CPQ: variants seen among roughly 807,000 people sequenced by gnomAD.
CPQ encodes Ser-Met dipeptidase.
A neutral mutation model predicts 45.7 loss-of-function variants in CPQ; 37 were observed. The observed-to-expected ratio is 0.81, with a 90% CI of 0.62 to 1.07. CPQ has a LOEUF of 1.07. Ranked by LOEUF, CPQ falls within the 50% of genes least tolerant of loss-of-function variation. CPQ has a pLI of 0.00. For synonymous variants in CPQ, 186 were observed against 205.8 expected, an observed-to-expected ratio of 0.90 and a Z score of 0.82; for missense variants, 537 against 572.9, an observed-to-expected ratio of 0.94 and a Z score of 0.64.
chr8:96,787,265 C>A (rs1295741247), intron 2 of CPQ, among the ~76,000 whole-genome samples: 1 of 152,024 alleles, frequency 6.6e-6, no homozygotes, highest in Non-Finnish European at 1.5e-5. Flanking sequence ...AAGGCTTCAG[C>A]TTTCTTCTTT....
rs1318265873 is a variant in CPQ, at chr8:97,023,015, A to ACAG, written c.962-6388_962-6387insCAG. ...TATATACAGTATATATATACTATAT[A>ACAG]TAGTATATATATACAGTATATATAC... On this transcript the variant is annotated intron_variant, in intron 5 of 7. Coordinates refer to ENST00000220763, the MANE Select transcript of CPQ (RefSeq NM_016134.4). Among the ~76,000 whole-genome samples the ACAG allele has an allele frequency of 1.4e-3, 204 of 146,814 alleles. 2 individuals are homozygous for ACAG. Among genetic ancestry groups the ACAG allele is most frequent in the Middle Eastern group, 3.6e-3 (1 of 278 alleles).
intron 1 of CPQ, among the ~76,000 whole-genome samples, chr8:96,664,527 C>T (rs1808894809): frequency 6.6e-6 from 1 of 152,134 alleles, no homozygotes; most frequent in South Asian, 2.1e-4. Flanking sequence ...AAGGGTTGTG[C>T]AGCAATGCAG....
At chr8:96,856,671 A>G (rs1476863635) in intron 3 of CPQ, among the ~76,000 whole-genome samples, 2 of 152,204 alleles carry the variant, frequency 1.3e-5, no homozygotes, top group African/African-American at 4.8e-5. Flanking sequence ...AGAGGAGAAC[A>G]AGACAGAGAT....
chr8:96,845,361 G>T (rs1811670449), intron 3 of CPQ, among the ~76,000 whole-genome samples: 1 of 152,170 alleles, frequency 6.6e-6, no homozygotes, highest in South Asian at 2.1e-4. Flanking sequence ...GTACCTAGGA[G>T]ATTGCTGGCA....
intron 1 of CPQ, among the ~76,000 whole-genome samples, chr8:96,769,549 CTT>C (rs1317893302): frequency 6.6e-6 from 1 of 151,256 alleles, no homozygotes. Context: ...CTTACATCCT[CTT>C]TGGATTTCCG....
intron 4 of CPQ, among the ~76,000 whole-genome samples, chr8:96,917,953 A>G (rs567346532): frequency 6.6e-6 from 1 of 152,276 alleles, no homozygotes; most frequent in East Asian, 1.9e-4. Flanking sequence ...ACTAGAGTAC[A>G]GTGCTTATAG....
chr8:96,770,038 G>A (rs1395491558), intron 1 of CPQ, among the ~76,000 whole-genome samples: 2 of 152,162 alleles, frequency 1.3e-5, no homozygotes, highest in Non-Finnish European at 2.9e-5. Context: ...GAAAAGAATA[G>A]TAAAGTGAGC....
intron 4 of CPQ, among the ~76,000 whole-genome samples, chr8:96,881,018 TGAG>T (rs1243876492): frequency 6.6e-6 from 1 of 152,124 alleles, no homozygotes; most frequent in Non-Finnish European, 1.5e-5. Flanking sequence ...TCGGAACAAT[TGAG>T]AGTGGTATTT....
At chr8:96,742,604 T>C (rs1270269527) in intron 1 of CPQ, among the ~76,000 whole-genome samples, 7 of 152,198 alleles carry the variant, frequency 4.6e-5, no homozygotes, top group South Asian at 4.2e-4. Flanking sequence ...GATTTTGCAG[T>C]GGCTGGTACC....
intron 4 of CPQ, among the ~76,000 whole-genome samples, chr8:96,904,129 G>T (rs1194868459): frequency 6.6e-6 from 1 of 152,154 alleles, no homozygotes; most frequent in African/African-American, 2.4e-5. Flanking sequence ...CAGCCAGCAG[G>T]CTTCCTACTT....
rs374322762 is a variant in CPQ, at chr8:96,895,360, T to C, written c.849+15355T>C. 5.3e-5 allele frequency among the ~76,000 whole-genome samples: 8 copies of C among 152,206 alleles called. No individual in the cohort carries two copies. The East Asian group carries it at 1.2e-3, about 22-fold the overall frequency. ...TTCTATGAGTATCTTTATAAAGTTATAATATTTTATAGATACTGTCAAATC... is the reference window on the plus strand; with the variant it reads ...TTCTATGAGTATCTTTATAAAGTTACAATATTTTATAGATACTGTCAAATC... On this transcript the variant is annotated intron_variant, in intron 4 of 7. Coordinates refer to ENST00000220763, the MANE Select transcript of CPQ (RefSeq NM_016134.4).
chr8:96,922,035 A>G (rs1380022364), intron 4 of CPQ, among the ~76,000 whole-genome samples: 1 of 152,168 alleles, frequency 6.6e-6, no homozygotes, highest in Non-Finnish European at 1.5e-5. Flanking sequence ...TAAGATATGG[A>G]GAATGCTCCA....
intron 4 of CPQ, among the ~76,000 whole-genome samples, chr8:96,887,449 G>A (rs898387137): frequency 6.6e-6 from 1 of 152,146 alleles, no homozygotes; most frequent in Non-Finnish European, 1.5e-5. Flanking sequence ...GGGTGGACCT[G>A]CTCTGACTTT....
At chr8:97,055,360 A>G (rs1306730767) in intron 6 of CPQ, among the ~76,000 whole-genome samples, 1 of 152,176 alleles carries the variant, frequency 6.6e-6, no homozygotes. Context: ...CAGCTGATGT[A>G]ATTGGATAGA....
chr8:96,979,850 C>T (rs775376724), intron 5 of CPQ, among the ~76,000 whole-genome samples: 40 of 152,114 alleles, frequency 2.6e-4, no homozygotes, highest in Admixed American at 1.9e-3. Flanking sequence ...TAATCCTGCT[C>T]GTGCCCTCCT....
At chr8:96,991,071 C>G (rs1316757774) in intron 5 of CPQ, among the ~76,000 whole-genome samples, 1 of 152,060 alleles carries the variant, frequency 6.6e-6, no homozygotes, top group Non-Finnish European at 1.5e-5. Flanking sequence ...GGCAGAGTGC[C>G]TTGGTAGAAA....
intron 4 of CPQ, among the ~76,000 whole-genome samples, chr8:96,940,916 A>G (rs1443733268): frequency 6.6e-6 from 1 of 152,148 alleles, no homozygotes; most frequent in Non-Finnish European, 1.5e-5. Flanking sequence ...TACCTTTTGG[A>G]TTCATTCAAG....
intron 5 of CPQ, among the ~76,000 whole-genome samples, chr8:96,991,551 G>GTCA (rs1323063698): frequency 8.7e-6 from 1 of 114,614 alleles, no homozygotes; most frequent in Non-Finnish European, 1.8e-5. Context: ...ACAAGAGTCT[G>GTCA]TCATAATAAT....
chr8:96,736,333 A>G (rs982098589), intron 1 of CPQ, among the ~76,000 whole-genome samples: 1 of 152,208 alleles, frequency 6.6e-6, no homozygotes, highest in African/African-American at 2.4e-5. Flanking sequence ...TGAATGTTAT[A>G]TAGTTCCTGG....
Sources: gnomAD v4.1 joint callset for allele counts (sites outside exome capture counted in the v4.1 genomes callset) on GRCh38, gnomAD v4.1.1 for gene constraint, MANE v1.5 for transcripts, NCBI Gene and HGNC (gene_info 2026-07-23, HGNC 2026-07-21) for gene names.